The following NT5C1A variants were observed in gnomAD, a reference collection of about 807,000 sequenced individuals.
The protein encoded by NT5C1A is 5'-nucleotidase, cytosolic IA.
A neutral mutation model predicts 31.0 loss-of-function variants in NT5C1A; 18 were observed. That is an observed-to-expected ratio of 0.58 (90% CI 0.40 to 0.86). The LOEUF is 0.86. Among genes scored for constraint, NT5C1A ranks in the 40% least tolerant of loss-of-function variants. The pLI, the probability that NT5C1A is intolerant of heterozygous loss-of-function variation, is 0.00. For missense variants in NT5C1A, 470 were observed against 505.4 expected (o/e 0.93, Z 0.67); for synonymous variants, 185 against 203.6 (o/e 0.91, Z 0.78).
Position 39,656,217 on chromosome 1 carries a change from C to A in NT5C1A, c.*2904G>T, listed in dbSNP as rs1234292893. ...GGGTCCAGTGTTTCAGAAGCCGTGG[C>A]TGCTCCACCTCAGTGCTGCATTCCC... On this transcript the variant is annotated 3_prime_UTR_variant, in exon 6 of 6. Coordinates refer to ENST00000235628, the MANE Select transcript of NT5C1A (RefSeq NM_032526.3). 6.6e-6 allele frequency among the ~76,000 whole-genome samples: 1 copy of A among 152,192 alleles called. No individual in the cohort carries two copies. Among genetic ancestry groups the A allele is most frequent in the Non-Finnish European group, 1.5e-5 (1 of 68,038 alleles).
In NT5C1A at chr1:39,651,355, T is replaced by C. The variant is rs1282849798; in HGVS notation, c.*7766A>G. On this transcript the variant is annotated 3_prime_UTR_variant, in exon 6 of 6. Transcript: ENST00000235628. ...ACACTGGCAAGCACTCAGCACCCTT[T>C]ATCATGTGACCAGGTAAATGTTACA... Among the ~76,000 whole-genome samples the C allele has an allele frequency of 6.6e-6, 1 of 152,234 alleles. No individual in the cohort carries two copies. Among genetic ancestry groups the C allele is most frequent in the African/African-American group, 2.4e-5 (1 of 41,456 alleles).
chr1:39,663,214 C>A, intron 4 of NT5C1A, 98 bp downstream of exon 4: 3 of 1,378,022 alleles, frequency 2.2e-6, no homozygotes, highest in South Asian at 2.5e-5. Context: ...GTTACCATGG[C>A]AACTCCCAGC....
chr1:39,663,318 C>T lies in NT5C1A; in HGVS notation c.550G>A (p.Asp184Asn), dbSNP rs1257097252. 16 of 1,614,206 alleles carry T rather than the reference C, an allele frequency of 9.9e-6. No individual in the cohort carries two copies. The highest frequency in any genetic ancestry group is 1.3e-5 in the Non-Finnish European group (15 of 1,180,018). ...CCTCTTCACTTAGACTTACCCTCATCAATGGCTTCTCGCACTTTTTCCGCA... is the reference window on the plus strand; with the variant it reads ...CCTCTTCACTTAGACTTACCCTCATTAATGGCTTCTCGCACTTTTTCCGCA... ...ADAEKVREAI[D>N]EGIAAATIFS... The change falls in exon 4 of 6, where the codon GAT (aspartate) becomes AAT (asparagine). Residue 184 changes from aspartate (D) to asparagine (N), a missense_variant. Coordinates refer to ENST00000235628, the MANE Select transcript of NT5C1A (RefSeq NM_032526.3).
chr1:39,659,504 G>A lies in NT5C1A; in HGVS notation c.742-18C>T, dbSNP rs753591333. On this transcript the variant is annotated intron_variant, in intron 5 of 5. Transcript: ENST00000235628. The stretch of plus-strand genomic sequence containing the variant: ...AAGGGGCCCTATGAGAAGGCAAGGG[G>A]AACATTGTTAGCTCTACCACCTCCT... The A allele has an allele frequency of 1.3e-6, 2 of 1,538,450 alleles. No homozygotes were observed. The highest frequency in any genetic ancestry group is 1.8e-6 in the Non-Finnish European group (2 of 1,142,442).
chr1:39,659,019 A>T lies in NT5C1A; in HGVS notation c.*102T>A. The T allele has an allele frequency of 7.0e-7, 1 of 1,433,296 alleles. No individual in the cohort carries two copies. The highest frequency in any genetic ancestry group is 9.3e-7 in the Non-Finnish European group (1 of 1,070,848). The allele number at this position is 1,433,296 out of a possible 1,614,324, so 88.8% of individuals were successfully genotyped here. A position where few individuals can be genotyped will look rare whatever the true frequency, so the allele number is the denominator to read the frequency against. On this transcript the variant is annotated 3_prime_UTR_variant, in exon 6 of 6. Transcript: ENST00000235628. ...CTCATAGGGATGAGGGCAGACAGGC[A>T]GAAGGACAGAACAGTGAGAAACTAG...
In NT5C1A at chr1:39,659,384, C is replaced by A. The variant is rs1215175433; in HGVS notation, c.844G>T (p.Ala282Ser). Residue 282 changes from alanine (A) to serine (S), a missense_variant, in exon 6 of 6, where the codon GCA (alanine) becomes TCA (serine). Coordinates refer to ENST00000235628, the MANE Select transcript of NT5C1A (RefSeq NM_032526.3). ...GCCCCGGAACTGGCTGCACTGCGTG[C>A]TGTCACCAAGTAGGTACGAATTGGG... ...ECPIRTYLVT[A>S]RSAASSGARA... 3 of 1,613,616 alleles carry A rather than the reference C, an allele frequency of 1.9e-6. No individual in the cohort carries two copies. The highest frequency in any genetic ancestry group is 1.7e-6 in the Non-Finnish European group (2 of 1,180,014).
At chr1:39,668,640 TCTC>T (rs1218289482) in intron 1 of NT5C1A, among the ~76,000 whole-genome samples, 1 of 152,142 alleles carries the variant, frequency 6.6e-6, no homozygotes, top group African/African-American at 2.4e-5. Flanking sequence ...TTGCTATTCC[TCTC>T]CTCAACAGTT....
rs1646471380 is a variant in NT5C1A, at chr1:39,657,827, C to T, written c.*1294G>A. 6.6e-6 allele frequency among the ~76,000 whole-genome samples: 1 copy of T among 152,212 alleles called. No homozygotes were observed. Among genetic ancestry groups the T allele is most frequent in the Non-Finnish European group, 1.5e-5 (1 of 68,036 alleles). Reference sequence around the variant, plus strand: ...CTGACTGGCTTTCCACTAACAATCCCATAGCTGGAGAATTTTGCTAGTGCA... The same window carrying T: ...CTGACTGGCTTTCCACTAACAATCCTATAGCTGGAGAATTTTGCTAGTGCA... On this transcript the variant is annotated 3_prime_UTR_variant, in exon 6 of 6. Coordinates refer to ENST00000235628, the MANE Select transcript of NT5C1A (RefSeq NM_032526.3).
chr1:39,671,845 G>A, intron 1 of NT5C1A, 59 bp downstream of exon 1: 1 of 1,599,476 alleles, frequency 6.3e-7, no homozygotes, highest in South Asian at 1.1e-5. Context: ...AGAGACTTAT[G>A]ACCCCTCCTC....
At chr1:39,660,480 G>T (rs1331513350) in intron 5 of NT5C1A, among the ~76,000 whole-genome samples, 2 of 152,182 alleles carry the variant, frequency 1.3e-5, no homozygotes, top group African/African-American at 4.8e-5. Context: ...CCAGCCAAGG[G>T]ATGGATGGCA....
At chr1:39,668,017 A>T (rs1225122260) in intron 1 of NT5C1A, among the ~76,000 whole-genome samples, 1 of 152,220 alleles carries the variant, frequency 6.6e-6, no homozygotes, top group Non-Finnish European at 1.5e-5. Context: ...TTTTAACCCC[A>T]ACCAAGATGG....
At chr1:39,663,627 A>C (rs1646503369) in intron 3 of NT5C1A, among the ~76,000 whole-genome samples, 193 bp from the exon 4 acceptor site, 1 of 152,110 alleles carries the variant, frequency 6.6e-6, no homozygotes, top group Non-Finnish European at 1.5e-5. Flanking sequence ...TCACATCTCT[A>C]GAGCAATTGC....
In NT5C1A at chr1:39,659,031, C is replaced by A; in HGVS notation, c.*90G>T. 12 of 1,470,242 alleles carry A rather than the reference C, an allele frequency of 8.2e-6. No homozygotes were observed. Among genetic ancestry groups the A allele is most frequent in the Non-Finnish European group, 1.1e-5 (12 of 1,101,230 alleles). 91.1% of individuals were successfully genotyped at this position (1,470,242 alleles called of 1,614,324 possible). On this transcript the variant is annotated 3_prime_UTR_variant, in exon 6 of 6. Coordinates refer to ENST00000235628, the MANE Select transcript of NT5C1A (RefSeq NM_032526.3). Reference sequence around the variant, plus strand: ...AGGGCAGACAGGCAGAAGGACAGAACAGTGAGAAACTAGAGGGATCTACCA... The same window carrying A: ...AGGGCAGACAGGCAGAAGGACAGAAAAGTGAGAAACTAGAGGGATCTACCA...
rs537327627 is a variant in NT5C1A, at chr1:39,670,451, T to G, written c.135+1453A>C. ...GCTAGTGGCCTTCAAGCTGCTAAAA[T>G]GTCCACCTAATACATTAGAGTGAGT... On this transcript the variant is annotated intron_variant, in intron 1 of 5. Coordinates refer to ENST00000235628, the MANE Select transcript of NT5C1A (RefSeq NM_032526.3). Among the ~76,000 whole-genome samples the G allele has an allele frequency of 5.9e-5, 9 of 152,370 alleles. No homozygotes were observed. The East Asian group carries it at 1.7e-3, about 29-fold the overall frequency.
chr1:39,665,479 G>A, intron 3 of NT5C1A, 42 bp downstream of exon 3: 1 of 1,570,958 alleles, frequency 6.4e-7, no homozygotes, highest in African/African-American at 1.3e-5. Flanking sequence ...GTCTGGTAGG[G>A]GTGTCCCAGG....
chr1:39,666,075 A>G lies in NT5C1A; in HGVS notation c.297T>C (p.Phe99=), dbSNP rs1646520157. The change falls in exon 2 of 6, where the codon TTT becomes TTC. Residue 99 remains phenylalanine, a synonymous_variant. Coordinates refer to ENST00000235628, the MANE Select transcript of NT5C1A (RefSeq NM_032526.3). ...EPFSPGPAFP[F]VKALEAVNRR... ...GGTGGAACTGCTCCCTCACCTTCAC[A>G]AAAGGGAAGGCTGGCCCGGGACTGA... The G allele has an allele frequency of 6.2e-7, 1 of 1,612,630 alleles. No homozygotes were observed. The highest frequency in any genetic ancestry group is 8.5e-7 in the Non-Finnish European group (1 of 1,179,438).
chr1:39,653,068 C>G lies in NT5C1A; in HGVS notation c.*6053G>C, dbSNP rs868792420. On this transcript the variant is annotated 3_prime_UTR_variant, in exon 6 of 6. Coordinates refer to ENST00000235628, the MANE Select transcript of NT5C1A (RefSeq NM_032526.3). Reference sequence around the variant, plus strand: ...CAATCTGCCCAACTGGACACGTTGGCCTTGGCACTGTTAGGGGGAGGGAAG... The same window carrying G: ...CAATCTGCCCAACTGGACACGTTGGGCTTGGCACTGTTAGGGGGAGGGAAG... 6.6e-6 allele frequency among the ~76,000 whole-genome samples: 1 copy of G among 152,066 alleles called. No homozygotes were observed. Among genetic ancestry groups the G allele is most frequent in the Non-Finnish European group, 1.5e-5 (1 of 68,010 alleles).
intron 4 of NT5C1A, among the ~76,000 whole-genome samples, chr1:39,662,297 G>A (rs1646495965): frequency 6.6e-6 from 1 of 152,134 alleles, no homozygotes; most frequent in African/African-American, 2.4e-5. Context: ...ATCAAGCCAG[G>A]TACCCTCTCA....
At chr1:39,663,560 T>G in intron 3 of NT5C1A, 126 bp from the exon 4 acceptor site, 1 of 922,882 alleles carries the variant, frequency 1.1e-6, no homozygotes, top group Non-Finnish European at 1.6e-6. Flanking sequence ...TGTCTCAGTG[T>G]AATTTTAGGC....
Sources: gnomAD v4.1 joint callset for allele counts (sites outside exome capture counted in the v4.1 genomes callset) on GRCh38, gnomAD v4.1.1 for gene constraint, MANE v1.5 for transcripts, NCBI Gene and HGNC (gene_info 2026-07-23, HGNC 2026-07-21) for gene names.